GPR137B: variants seen among roughly 807,000 people sequenced by gnomAD.
The protein encoded by GPR137B is G protein-coupled receptor 137B, also known as integral membrane protein GPR137B.
In GPR137B, 42 loss-of-function variants were observed where a neutral mutation model predicts 42.5. That is an observed-to-expected ratio of 0.99 (90% CI 0.77 to 1.28). GPR137B has a LOEUF of 1.28. Among genes scored for constraint, GPR137B ranks in the 50% most tolerant of loss-of-function variants. The pLI is 0.00. For synonymous variants in GPR137B, 218 were observed against 209.7 expected (o/e 1.04, Z -0.34); for missense variants, 487 against 493.9 (o/e 0.99, Z 0.13).
rs909288765 is a variant in GPR137B, at chr1:236,208,294, A to G, written c.*136A>G. ...TTTGTTACAGGTTTCCAATGGCCCC[A>G]TAGGAATAAGCAATAATGTAGACTG... On this transcript the variant is annotated 3_prime_UTR_variant, in exon 7 of 7. Transcript: ENST00000366592. 7.6e-6 allele frequency: 11 copies of G among 1,453,694 alleles called. No homozygotes were observed. The highest frequency in any genetic ancestry group is 4.3e-5 in the African/African-American group (3 of 70,084). 90.0% of individuals were successfully genotyped at this position (1,453,694 alleles called of 1,614,324 possible). A position where few individuals can be genotyped will look rare whatever the true frequency, so the allele number is the denominator to read the frequency against.
At chr1:236,205,708 T>C (rs982679421) in intron 6 of GPR137B, among the ~76,000 whole-genome samples, 1 of 152,078 alleles carries the variant, frequency 6.6e-6, no homozygotes, top group Non-Finnish European at 1.5e-5. Flanking sequence ...ACCCAGCAAA[T>C]TTTTTTATTT....
Position 236,155,413 on chromosome 1 carries a change from C to T in GPR137B, c.414+12377C>T, listed in dbSNP as rs1661994468. On this transcript the variant is annotated intron_variant, in intron 1 of 6. Transcript: ENST00000366592. This position sits in a 1 kb window ranked among gnomAD's most constrained non-coding sequence, Gnocchi z 4.6. ...TAGGTTCCTGAGGGTTGACCAGCCT[C>T]ACCCCTGAATCCAGGTGCTCAGGGG... 1.3e-5 allele frequency among the ~76,000 whole-genome samples: 2 copies of T among 152,220 alleles called. No homozygotes were observed. The highest frequency in any genetic ancestry group is 4.8e-5 in the African/African-American group (2 of 41,458).
intron 1 of GPR137B, among the ~76,000 whole-genome samples, chr1:236,166,228 A>G (rs949186717): frequency 6.6e-6 from 1 of 152,120 alleles, no homozygotes; most frequent in Non-Finnish European, 1.5e-5. Flanking sequence ...AATCAGTAGC[A>G]TATTTTGTAA....
At chr1:236,169,253 C>T (rs1341203165) in intron 2 of GPR137B, among the ~76,000 whole-genome samples, 1 of 152,128 alleles carries the variant, frequency 6.6e-6, no homozygotes. Flanking sequence ...GGTGCAGGTG[C>T]AGCTGTGGCA....
chr1:236,143,097 C>G lies in GPR137B; in HGVS notation c.414+61C>G, dbSNP rs1402926606. 5 of 1,469,568 alleles carry G rather than the reference C, an allele frequency of 3.4e-6. No individual in the cohort carries two copies. The Admixed American group carries it at 9.5e-5, about 28-fold the overall frequency. 91.0% of individuals were successfully genotyped at this position (1,469,568 alleles called of 1,614,324 possible). ...GGCGGGGTGGTCCCCGCGGGGCGCC[C>G]GAGGCAGGGGCGATGGCAGCCGCGG... On this transcript the variant is annotated intron_variant, in intron 1 of 6. Coordinates refer to ENST00000366592, the MANE Select transcript of GPR137B (RefSeq NM_003272.4).
chr1:236,180,878 C>A (rs7554446), intron 4 of GPR137B, among the ~76,000 whole-genome samples: 116,571 of 152,096 alleles, frequency 0.77, 45,925 homozygotes, highest in East Asian at 0.97. Flanking sequence ...CGGCCTCCCA[C>A]AGTGCTAGGA....
At chr1:236,193,420 TTC>T (rs1205873911) in intron 5 of GPR137B, among the ~76,000 whole-genome samples, 1 of 152,184 alleles carries the variant, frequency 6.6e-6, no homozygotes, top group African/African-American at 2.4e-5. Context: ...CATATGGTAT[TTC>T]TGAGTGTCAC....
chr1:236,153,467 G>T (rs1330832659), intron 1 of GPR137B, among the ~76,000 whole-genome samples: 1 of 152,136 alleles, frequency 6.6e-6, no homozygotes, highest in Non-Finnish European at 1.5e-5. Context: ...TCCTTTATAA[G>T]GTTAAATAAT....
At chr1:236,160,508 C>T (rs1662156708) in intron 1 of GPR137B, among the ~76,000 whole-genome samples, 1 of 152,194 alleles carries the variant, frequency 6.6e-6, no homozygotes, top group Non-Finnish European at 1.5e-5. Context: ...CTGCCTCTCC[C>T]TGTCTGCCCT....
intron 2 of GPR137B, among the ~76,000 whole-genome samples, chr1:236,178,074 C>T (rs1662740310): frequency 6.6e-6 from 1 of 152,102 alleles, no homozygotes; most frequent in African/African-American, 2.4e-5. Flanking sequence ...GTGGAGTTGT[C>T]AGAATGCCTA....
chr1:236,181,651 C>G (rs1376158102), intron 4 of GPR137B, among the ~76,000 whole-genome samples: 1 of 152,120 alleles, frequency 6.6e-6, no homozygotes, highest in African/African-American at 2.4e-5. Context: ...TAAGCTAAAC[C>G]TGTGAGGACA....
At chr1:236,159,788 T>C (rs10924420) in intron 1 of GPR137B, among the ~76,000 whole-genome samples, 48,776 of 152,130 alleles carry the variant, frequency 0.32, 10,580 homozygotes, top group African/African-American at 0.59. Context: ...GCTCTAGGCC[T>C]TCCTGTGTCA....
chr1:236,190,446 A>G (rs10924673), intron 5 of GPR137B, among the ~76,000 whole-genome samples: 50,533 of 151,918 alleles, frequency 0.33, 8,981 homozygotes, highest in East Asian at 0.61. Flanking sequence ...TTACAATTTG[A>G]TATGTTTTTG....
chr1:236,167,890 C>T (rs1367341102), intron 1 of GPR137B, among the ~76,000 whole-genome samples: 1 of 152,210 alleles, frequency 6.6e-6, no homozygotes, highest in Non-Finnish European at 1.5e-5. Flanking sequence ...CTCTGCCAGG[C>T]TCTCTGCCAT....
chr1:236,167,133 T>C (rs1349996649), intron 1 of GPR137B, among the ~76,000 whole-genome samples: 5 of 152,154 alleles, frequency 3.3e-5, no homozygotes, highest in African/African-American at 7.2e-5. Context: ...TGAAGTATAA[T>C]TGACAAAGAC....
chr1:236,208,255 G>C lies in GPR137B; in HGVS notation c.*97G>C, dbSNP rs1663724660. ...TTAGGGCACTTTTCCTTAAGAAATA[G>C]AACTTGATTTTTATTTGTTACAGGT... On this transcript the variant is annotated 3_prime_UTR_variant, in exon 7 of 7. Coordinates refer to ENST00000366592, the MANE Select transcript of GPR137B (RefSeq NM_003272.4). 1 of 1,516,010 alleles carries C rather than the reference G, an allele frequency of 6.6e-7. No homozygotes were observed. Among genetic ancestry groups the C allele is most frequent in the Non-Finnish European group, 8.8e-7 (1 of 1,135,840 alleles). 93.9% of individuals were successfully genotyped at this position (1,516,010 alleles called of 1,614,324 possible).
intron 2 of GPR137B, among the ~76,000 whole-genome samples, chr1:236,169,015 C>T (rs1045898063): frequency 6.6e-6 from 1 of 152,210 alleles, no homozygotes; most frequent in Non-Finnish European, 1.5e-5. Flanking sequence ...CCTTTCCTAA[C>T]AGGAGGAAAT....
At chr1:236,193,531 C>T (rs1054705968) in intron 5 of GPR137B, among the ~76,000 whole-genome samples, 5 of 152,072 alleles carry the variant, frequency 3.3e-5, no homozygotes, top group Non-Finnish European at 7.4e-5. Flanking sequence ...GCTCCTAGCA[C>T]TTGTTATCTG....
intron 1 of GPR137B, among the ~76,000 whole-genome samples, chr1:236,160,522 C>T (rs1026649015): frequency 5.3e-5 from 8 of 152,170 alleles, no homozygotes; most frequent in South Asian, 4.1e-4. Flanking sequence ...CTGCCCTTCT[C>T]GGGACCCAGG....
Sources: allele counts gnomAD v4.1 joint callset (sites outside exome capture counted in the v4.1 genomes callset), GRCh38; gene constraint gnomAD v4.1.1; non-coding constraint Gnocchi (gnomAD v3.1); transcripts MANE v1.5; gene names NCBI Gene and HGNC (gene_info 2026-07-23, HGNC 2026-07-21).